Variants in ADD1 observed in about 807,000 individuals in gnomAD.
ADD1 encodes the protein adducin 1, also known as alpha-adducin.
In ADD1, 24 loss-of-function variants were observed where a neutral mutation model predicts 80.5. The ratio of observed to expected loss-of-function variants is 0.30; its 90% CI spans 0.22 to 0.42. The LOEUF (loss-of-function observed/expected upper bound fraction) is 0.42, where lower values mean the gene tolerates loss of function less well. Among genes scored for constraint, ADD1 ranks in the 10% least tolerant of loss-of-function variants. The probability of loss-of-function intolerance (pLI) is 1.00; values close to 1 mark genes in which losing one functional copy is unlikely to be tolerated. For missense variants in ADD1, 948 were observed against 1,019.0 expected (o/e 0.93, Z 0.95); for synonymous variants, 373 against 393.8 (o/e 0.95, Z 0.63).
chr4:2,926,260 T>G lies in ADD1; in HGVS notation c.2047+148T>G. The G allele has an allele frequency of 1.3e-6, 1 of 773,830 alleles. No homozygotes were observed. The highest frequency in any genetic ancestry group is 2.7e-5 in the East Asian group (1 of 37,270). 47.9% of individuals were successfully genotyped at this position (773,830 alleles called of 1,614,324 possible). ...GACGTGACACCTTTCTCCTCCTATA[T>G]TGCTTCTGTCCTGGGTAACTCCAGG... On this transcript the variant is annotated intron_variant, in intron 15 of 15. Coordinates refer to ENST00000683351, the MANE Select transcript of ADD1 (RefSeq NM_001354761.2). This position sits in a 1 kb window ranked among gnomAD's most constrained non-coding sequence, Gnocchi z 5.0.
chr4:2,898,235 C>T lies in ADD1; in HGVS notation c.793C>T (p.Leu265Phe), dbSNP rs1735584585. The change falls in exon 7 of 16, where the codon CTT becomes TTT. Residue 265 changes from leucine to phenylalanine, a missense_variant. Coordinates refer to ENST00000683351, the MANE Select transcript of ADD1 (RefSeq NM_001354761.2). ...GCCAATCTCCCCGGAGGCGCTTTCCCTTGGAGAAGTGGCTTATCATGACTA... is the reference window on the plus strand; with the variant it reads ...GCCAATCTCCCCGGAGGCGCTTTCCTTTGGAGAAGTGGCTTATCATGACTA... ...LLPISPEALSLGEVAYHDYHG... is the reference protein window; with the variant it reads ...LLPISPEALSFGEVAYHDYHG... 6.2e-7 allele frequency: 1 copy of T among 1,614,026 alleles called. No individual in the cohort carries two copies. The highest frequency in any genetic ancestry group is 1.3e-5 in the African/African-American group (1 of 74,900).
rs950422122 is a variant in ADD1 at position 2,893,596 on chromosome 4, G to C, written c.511-417G>C. ...CCACTGCACTCCAGCCTGGGCAACA[G>C]AGTGAGACCCTGTCTCAAAAAAAAA... On this transcript the variant is annotated intron_variant, in intron 4 of 15. Transcript: ENST00000683351. Among the ~76,000 whole-genome samples the C allele has an allele frequency of 4.3e-4, 65 of 151,562 alleles. 2 individuals carry two copies. The highest frequency in any genetic ancestry group is 2.9e-5 in the Non-Finnish European group (2 of 67,920).
At chr4:2,917,072 A>G (rs953337521) in intron 14 of ADD1, among the ~76,000 whole-genome samples, 24 of 152,190 alleles carry the variant, frequency 1.6e-4, no homozygotes, top group Admixed American at 1.4e-3. Flanking sequence ...GCTGGGTCAA[A>G]TGGTATTTCT....
chr4:2,854,436 C>G (rs941109151), intron 1 of ADD1, among the ~76,000 whole-genome samples: 1 of 152,150 alleles, frequency 6.6e-6, no homozygotes, highest in Non-Finnish European at 1.5e-5. Flanking sequence ...TTGCATTGCT[C>G]ATATTTCCTA....
chr4:2,873,852 C>G (rs780971697), intron 1 of ADD1, among the ~76,000 whole-genome samples: 3 of 152,084 alleles, frequency 2.0e-5, no homozygotes, highest in African/African-American at 7.2e-5. Flanking sequence ...GGAAGGTTTA[C>G]AATAAATAGA....
intron 2 of ADD1, among the ~76,000 whole-genome samples, chr4:2,881,405 A>G (rs956122932): frequency 5.9e-5 from 9 of 151,968 alleles, no homozygotes; most frequent in Non-Finnish European, 2.9e-5. Context: ...ATCTTTTTCT[A>G]TGTTTAGGTA....
At chr4:2,851,771 G>A (rs1727112648) in intron 1 of ADD1, among the ~76,000 whole-genome samples, 1 of 152,164 alleles carries the variant, frequency 6.6e-6, no homozygotes, top group Non-Finnish European at 1.5e-5. Context: ...TCAGTAGGAA[G>A]GGATGTGATG....
chr4:2,899,442 A>G lies in ADD1; in HGVS notation c.1161+7A>G, dbSNP rs767493619. 5 of 1,614,084 alleles carry G rather than the reference A, an allele frequency of 3.1e-6. No individual in the cohort carries two copies. Among genetic ancestry groups the G allele is most frequent in the East Asian group, 4.5e-5 (2 of 44,898 alleles). ...GCGGATGCTCGATAATCTGGTAAGA[A>G]TGGTGCCACCACTTGATGATAAACC... is the stretch of plus-strand genomic sequence containing the variant. On this transcript the variant is annotated splice_region_variant and intron_variant, in intron 9 of 15. Transcript: ENST00000683351.
intron 1 of ADD1, 22 bp downstream of exon 1, chr4:2,844,046 G>T (rs1004144637): frequency 6.7e-6 from 1 of 150,222 alleles, no homozygotes; most frequent in Non-Finnish European, 1.5e-5. Flanking sequence ...TAGCGGGGGC[G>T]GCGGGGGCCC....
chr4:2,857,033 C>T (rs1023894677), intron 1 of ADD1, among the ~76,000 whole-genome samples: 2 of 152,068 alleles, frequency 1.3e-5, no homozygotes, highest in African/African-American at 4.8e-5. Flanking sequence ...CTGCCTCAGC[C>T]TCCTGAGTAG....
intron 1 of ADD1, among the ~76,000 whole-genome samples, chr4:2,856,274 T>C (rs1264908146): frequency 6.6e-6 from 1 of 152,186 alleles, no homozygotes; most frequent in African/African-American, 2.4e-5. Context: ...TTTGGAGTTA[T>C]CCTACTGCTC....
intron 3 of ADD1, among the ~76,000 whole-genome samples, chr4:2,883,474 T>G (rs892368814): frequency 5.9e-5 from 9 of 152,182 alleles, no homozygotes; most frequent in African/African-American, 1.7e-4. Context: ...AAATGATCCC[T>G]TAGTCTTTCT....
rs1348089452 is a variant in ADD1 at position 2,898,092 on chromosome 4, C to G, written c.742-92C>G. Reference sequence around the variant, plus strand: ...AAGAGGACAAAAACATTTCCCTTCCCATTTTATTTCTGTGAGGAAAGCATT... The same window carrying G: ...AAGAGGACAAAAACATTTCCCTTCCGATTTTATTTCTGTGAGGAAAGCATT... On this transcript the variant is annotated intron_variant, in intron 6 of 15. Coordinates refer to ENST00000683351, the MANE Select transcript of ADD1 (RefSeq NM_001354761.2). 1.6e-5 allele frequency: 23 copies of G among 1,423,362 alleles called. No homozygotes were observed. In the East Asian group the frequency reaches 5.0e-4, roughly 31 times the overall value. 88.2% of individuals were successfully genotyped at this position (1,423,362 alleles called of 1,614,324 possible).
intron 14 of ADD1, among the ~76,000 whole-genome samples, chr4:2,922,793 C>T (rs1335508140): frequency 6.6e-6 from 1 of 152,226 alleles, no homozygotes; most frequent in Non-Finnish European, 1.5e-5. Flanking sequence ...TATCTATAAG[C>T]CCCTGACTGG....
At chr4:2,925,816 T>G (rs1740867734) in intron 14 of ADD1, among the ~76,000 whole-genome samples, 198 bp from the exon 15 acceptor site, 1 of 152,210 alleles carries the variant, frequency 6.6e-6, no homozygotes, top group Non-Finnish European at 1.5e-5. Context: ...TTGGTTAAGT[T>G]TCTCTGAAAT....
At position 2,894,682 on chromosome 4, in the gene ADD1, G is replaced by T; in HGVS notation, c.692G>T (p.Arg231Leu). The T allele has an allele frequency of 6.2e-7, 1 of 1,601,848 alleles. No individual in the cohort carries two copies. The highest frequency in any genetic ancestry group is 8.5e-7 in the Non-Finnish European group (1 of 1,176,820). ...FTLHSAIYAA[R>L]PDVKCVVHIH... ...TTACACTCTGCAATTTATGCTGCAC[G>T]CCCGGACGTGAAGTGCGTCGTGCAC... is the stretch of plus-strand genomic sequence containing the variant. The change falls in exon 6 of 16, where the codon CGC becomes CTC. Residue 231 changes from arginine (R) to leucine (L), a missense_variant. Coordinates refer to ENST00000683351, the MANE Select transcript of ADD1 (RefSeq NM_001354761.2).
intron 1 of ADD1, among the ~76,000 whole-genome samples, chr4:2,857,957 T>C (rs1728315837): frequency 6.6e-6 from 1 of 152,214 alleles, no homozygotes; most frequent in Non-Finnish European, 1.5e-5. Flanking sequence ...TTTATTTTAG[T>C]AATTTAATAA....
intron 11 of ADD1, among the ~76,000 whole-genome samples, chr4:2,908,253 T>C (rs1333263886): frequency 6.6e-6 from 1 of 152,324 alleles, no homozygotes; most frequent in East Asian, 1.9e-4. Context: ...CCCAAGTTAA[T>C]GACAGTGAGA....
chr4:2,894,508 CAAAA>C (rs898922221), intron 5 of ADD1, 70 bp from the exon 6 acceptor site: 797 of 1,088,048 alleles, frequency 7.3e-4, no homozygotes, highest in Admixed American at 1.4e-3. Context: ...CAGACCCTAT[CAAAA>C]AAAAAAAAAA....
Sources: gnomAD v4.1 joint callset for allele counts (sites outside exome capture counted in the v4.1 genomes callset) on GRCh38, gnomAD v4.1.1 for gene constraint, Gnocchi (gnomAD v3.1) non-coding constraint, MANE v1.5 for transcripts, NCBI Gene and HGNC (gene_info 2026-07-23, HGNC 2026-07-21) for gene names.